Variants in HECW1 observed in about 807,000 individuals in gnomAD.
HECW1 encodes the protein E3 ubiquitin-protein ligase HECW1.
Under a neutral mutation model 182.3 loss-of-function variants are expected in HECW1, and 61 were observed. That is an observed-to-expected ratio of 0.33 (90% CI 0.27 to 0.41). The LOEUF is 0.41. Ranked by LOEUF, HECW1 falls within the 10% of genes least tolerant of loss-of-function variation. The pLI, the probability that HECW1 is intolerant of heterozygous loss-of-function variation, is 1.00. For missense variants in HECW1, 1,739 were observed against 2,108.9 expected, an observed-to-expected ratio of 0.82 and a Z score of 3.44; for synonymous variants, 859 against 832.6, an observed-to-expected ratio of 1.03 and a Z score of -0.55.
chr7:43,493,023 C>T lies in HECW1; in HGVS notation c.3341-61C>T, dbSNP rs374092200. ...TGGTATCAAGCAGCCATTTTCCAAT[C>T]ATCAGAGTGATTATCTCTGGGCTGC... On this transcript the variant is annotated intron_variant, in intron 18 of 29. Coordinates refer to ENST00000395891, the MANE Select transcript of HECW1 (RefSeq NM_015052.5). The T allele has an allele frequency of 1.5e-5, 17 of 1,153,194 alleles. No individual in the cohort carries two copies. In the Middle Eastern group the frequency reaches 5.9e-4, roughly 40 times the overall value. 71.4% of individuals were successfully genotyped at this position (1,153,194 alleles called of 1,614,324 possible). A position where few individuals can be genotyped will look rare whatever the true frequency, so the allele number is the denominator to read the frequency against.
chr7:43,390,672 G>A (rs1052374257), intron 6 of HECW1, among the ~76,000 whole-genome samples: 5 of 152,138 alleles, frequency 3.3e-5, no homozygotes, highest in Non-Finnish European at 7.3e-5. Flanking sequence ...ATGGAGTTGG[G>A]GTAGTGAGTT....
intron 8 of HECW1, among the ~76,000 whole-genome samples, chr7:43,434,358 T>C (rs1467272795): frequency 6.6e-6 from 1 of 152,226 alleles, no homozygotes; most frequent in African/African-American, 2.4e-5. Context: ...AGAAATTTGG[T>C]CTAACATGGC....
intron 17 of HECW1, among the ~76,000 whole-genome samples, chr7:43,488,449 A>AAAGAAAGAAAGT (rs2078780497): frequency 7.2e-6 from 1 of 139,136 alleles, no homozygotes; most frequent in Admixed American, 7.1e-5. Flanking sequence ...AGAAAGAAAG[A>AAAGAAAGAAAGT]AAGAAAGAAA....
At chr7:43,474,463 T>C (rs2078146817) in intron 16 of HECW1, among the ~76,000 whole-genome samples, 1 of 151,692 alleles carries the variant, frequency 6.6e-6, no homozygotes, top group Admixed American at 6.6e-5. Context: ...AATAAATAAA[T>C]AAATAAATAA....
At chr7:43,283,099 T>C (rs1231119326) in intron 3 of HECW1, among the ~76,000 whole-genome samples, 2 of 150,234 alleles carry the variant, frequency 1.3e-5, no homozygotes, top group Admixed American at 1.3e-4. Flanking sequence ...CACTCCAACC[T>C]GGGTGATAGA....
intron 5 of HECW1, among the ~76,000 whole-genome samples, chr7:43,325,460 A>G (rs1810641768): frequency 1.3e-5 from 2 of 152,190 alleles, no homozygotes; most frequent in South Asian, 4.1e-4. Flanking sequence ...GGTGATCCTG[A>G]AAAGAAGGTA....
chr7:43,425,036 AC>A (rs1425641695), intron 8 of HECW1, among the ~76,000 whole-genome samples: 1 of 152,178 alleles, frequency 6.6e-6, no homozygotes, highest in Non-Finnish European at 1.5e-5. Flanking sequence ...CAGAATTAAT[AC>A]AGCACAAGTC....
At chr7:43,551,520 T>C (rs1035674704) in intron 27 of HECW1, among the ~76,000 whole-genome samples, 20 of 151,986 alleles carry the variant, frequency 1.3e-4, no homozygotes, top group African/African-American at 4.6e-4. Flanking sequence ...GTAATACTAA[T>C]AGCTATTAAA....
At position 43,311,929 on chromosome 7, in the gene HECW1, G is replaced by C. The variant is rs750970386; in HGVS notation, c.194G>C (p.Arg65Pro). The C allele has an allele frequency of 6.2e-7, 1 of 1,614,126 alleles. No individual in the cohort carries two copies. The highest frequency in any genetic ancestry group is 8.5e-7 in the Non-Finnish European group (1 of 1,180,022). ...GGPHDGVTIP[R>P]STSDTDLVTS... The stretch of plus-strand genomic sequence containing the variant: ...CCCCACGATGGCGTCACCATTCCCC[G>C]CTCCACCAGCGACACTGACCTGGTC... Residue 65 changes from arginine to proline, a missense_variant, in exon 4 of 30, where the codon CGC (arginine) becomes CCC (proline). Around this residue, in one of 5 missense-constraint regions of HECW1, gnomAD observed 279 missense variants for 353.1 expected, o/e 0.79. Transcript: ENST00000395891.
At chr7:43,186,439 G>A (rs1232140705) in intron 2 of HECW1, among the ~76,000 whole-genome samples, 2 of 151,996 alleles carry the variant, frequency 1.3e-5, no homozygotes, top group South Asian at 2.1e-4. Flanking sequence ...AGGCCGAGGC[G>A]GATGGATCAC....
Position 43,127,982 on chromosome 7 carries a change from G to A in HECW1, c.-32+13591G>A, listed in dbSNP as rs556833887. Reference sequence around the variant, plus strand: ...CAACCTCGGCTTCCTGGGCTCAAATGATCCTCCTGCTTCAGCTTCCTGAGT... The same window carrying A: ...CAACCTCGGCTTCCTGGGCTCAAATAATCCTCCTGCTTCAGCTTCCTGAGT... On this transcript the variant is annotated intron_variant, in intron 2 of 29. Transcript: ENST00000395891. Among the ~76,000 whole-genome samples, 4 of 151,944 alleles carry A rather than the reference G, an allele frequency of 2.6e-5. No individual in the cohort carries two copies. The East Asian group carries it at 7.7e-4, about 29-fold the overall frequency.
chr7:43,451,162 A>G (rs143857424), intron 12 of HECW1, among the ~76,000 whole-genome samples: 29 of 152,344 alleles, frequency 1.9e-4, no homozygotes, highest in African/African-American at 6.7e-4. Flanking sequence ...CAGTGTTTTC[A>G]GTGCCTCTCA....
chr7:43,303,834 A>G (rs957967576), intron 3 of HECW1, among the ~76,000 whole-genome samples: 21 of 151,810 alleles, frequency 1.4e-4, no homozygotes, highest in Non-Finnish European at 2.7e-4. Context: ...GAGCCCCTAC[A>G]CCCGCCCCTG....
intron 8 of HECW1, among the ~76,000 whole-genome samples, chr7:43,418,044 C>A (rs2076070158): frequency 6.6e-6 from 1 of 152,194 alleles, no homozygotes; most frequent in African/African-American, 2.4e-5. Flanking sequence ...ATGCCTCTCT[C>A]CTAGCTCCAG....
intron 2 of HECW1, among the ~76,000 whole-genome samples, chr7:43,142,477 G>A (rs1788260855): frequency 6.6e-6 from 1 of 152,082 alleles, no homozygotes; most frequent in Non-Finnish European, 1.5e-5. Context: ...AGGGTCGAGG[G>A]TGGGCTGCTG....
intron 5 of HECW1, among the ~76,000 whole-genome samples, chr7:43,326,433 G>C (rs771532942): frequency 1.5e-4 from 23 of 152,198 alleles, no homozygotes; most frequent in Non-Finnish European, 3.1e-4. Context: ...CGCCCAGGGA[G>C]GCCCTCTGGA....
At chr7:43,504,184 G>A (rs369761230) in intron 21 of HECW1, among the ~76,000 whole-genome samples, 6 of 151,932 alleles carry the variant, frequency 3.9e-5, no homozygotes, top group East Asian at 1.9e-4. Flanking sequence ...CTTCAACATC[G>A]ACAGGGACCC....
intron 2 of HECW1, among the ~76,000 whole-genome samples, chr7:43,128,440 A>G (rs1786524055): frequency 6.6e-6 from 1 of 152,238 alleles, no homozygotes; most frequent in South Asian, 2.1e-4. Context: ...CTTGAATGGC[A>G]GCACATCTGT....
In HECW1 at chr7:43,125,757, TAAAAAA is replaced by T. The variant is rs57874835; in HGVS notation, c.-32+11384_-32+11389del. 4.0e-4 allele frequency among the ~76,000 whole-genome samples: 35 copies of T among 86,546 alleles called. 1 individual carries two copies. The highest frequency in any genetic ancestry group is 9.2e-4 in the African/African-American group (21 of 22,792). The allele number at this position is 86,546 out of a possible 152,430, so 56.8% of individuals were successfully genotyped here. A position where few individuals can be genotyped will look rare whatever the true frequency, so the allele number is the denominator to read the frequency against. The stretch of plus-strand genomic sequence containing the variant: ...TGGGTGACAGAGCGAGATTCTGTCT[TAAAAAA>T]AAAAAAAAAAAAAAAAAGAGTGAGG... On this transcript the variant is annotated intron_variant, in intron 2 of 29. Coordinates refer to ENST00000395891, the MANE Select transcript of HECW1 (RefSeq NM_015052.5).
Sources: allele counts gnomAD v4.1 joint callset (sites outside exome capture counted in the v4.1 genomes callset), GRCh38; gene constraint gnomAD v4.1.1; regional missense constraint gnomAD v4.1.1; transcripts MANE v1.5; gene names NCBI Gene and HGNC (gene_info 2026-07-23, HGNC 2026-07-21).